Variants in DMTF1 observed in about 807,000 individuals in gnomAD.
DMTF1 encodes the protein cyclin-D-binding Myb-like transcription factor 1.
A neutral mutation model predicts 91.1 loss-of-function variants in DMTF1; 39 were observed. The observed-to-expected ratio is 0.43, with a 90% CI of 0.33 to 0.56. The LOEUF (loss-of-function observed/expected upper bound fraction) is 0.56. DMTF1 is among the 20% of genes least tolerant of loss of function. The pLI is 0.05. For missense variants in DMTF1, 750 were observed against 914.5 expected, an observed-to-expected ratio of 0.82 and a Z score of 2.32; for synonymous variants, 338 against 309.5, an observed-to-expected ratio of 1.09 and a Z score of -0.97.
At chr7:87,188,051 C>T (rs375977415) in intron 12 of DMTF1, 41 bp from the exon 13 acceptor site, 38 of 1,550,722 alleles carry the variant, frequency 2.5e-5, no homozygotes, top group East Asian at 4.5e-5. Flanking sequence ...GGTGGTCTGT[C>T]GGAGAATCAA....
intron 14 of DMTF1, among the ~76,000 whole-genome samples, chr7:87,192,237 ATG>A (rs1279986491): frequency 6.6e-6 from 1 of 152,128 alleles, no homozygotes; most frequent in Non-Finnish European, 1.5e-5. Flanking sequence ...TGAAAATTAA[ATG>A]TTAAGTATAT....
rs73208512 is a variant in DMTF1, at chr7:87,196,126, T to C, written c.*986T>C. ...GTAGCCTTTTGGGCTTTTTAATGAA[T>C]ATGACCCCTATAGAAAAGTCAAGAA... On this transcript the variant is annotated 3_prime_UTR_variant, in exon 18 of 18. Coordinates refer to ENST00000331242, the MANE Select transcript of DMTF1 (RefSeq NM_001142327.2). 0.037 allele frequency: 5,623 copies of C among 153,110 alleles called. 125 individuals carry two copies. The highest frequency in any genetic ancestry group is 0.065 in the East Asian group (337 of 5,196). The allele number at this position is 153,110 out of a possible 1,614,324, so 9.5% of individuals were successfully genotyped here. A position where few individuals can be genotyped will look rare whatever the true frequency, so the allele number is the denominator to read the frequency against.
chr7:87,190,545 C>CA (rs1799509545), intron 13 of DMTF1, among the ~76,000 whole-genome samples: 1 of 152,146 alleles, frequency 6.6e-6, no homozygotes, highest in African/African-American at 2.4e-5. Context: ...CAAGGGTTAG[C>CA]AAACCTTTTC....
chr7:87,193,793 G>A lies in DMTF1; in HGVS notation c.1719G>A (p.Gln573=), dbSNP rs751352388. Residue 573 remains glutamine, a synonymous_variant, in exon 16 of 18, where the codon CAG becomes CAA. Transcript: ENST00000331242. ...VQCHTPRVII[Q]TVATEDITSS... is the part of the protein sequence containing the mutation. ...GTCACACACCAAGAGTCATCATTCA[G>A]ACTGTTGCCACAGAGGACATCACTT... 3.7e-6 allele frequency: 6 copies of A among 1,613,126 alleles called. No homozygotes were observed. In the South Asian group the frequency reaches 6.6e-5, roughly 18 times the overall value.
At chr7:87,184,674 A>C (rs746804255) in intron 11 of DMTF1, 49 bp downstream of exon 11, 1 of 1,516,342 alleles carries the variant, frequency 6.6e-7, no homozygotes, top group East Asian at 2.3e-5. Context: ...ATTTCTGTGG[A>C]TGTCTTGATA....
chr7:87,170,347 A>G (rs1389388748), intron 4 of DMTF1, among the ~76,000 whole-genome samples: 3 of 152,158 alleles, frequency 2.0e-5, no homozygotes, highest in Admixed American at 6.6e-5. Flanking sequence ...ATAAAAGATT[A>G]TATTATTCCA....
chr7:87,174,624 G>T lies in DMTF1; in HGVS notation c.474G>T (p.Lys158Asn). 6.2e-7 allele frequency: 1 copy of T among 1,610,414 alleles called. No homozygotes were observed. ...AATGGAAGCAGGGGATGTGGTCCAA[G>T]GAAGAAATTGATATTTTGATGAACA... ...GHKWKQGMWSKEEIDILMNNI... is the reference protein window; with the variant it reads ...GHKWKQGMWSNEEIDILMNNI... Residue 158 changes from lysine (K) to asparagine (N), a missense_variant, in exon 7 of 18, where the codon AAG becomes AAT. This residue lies in a region of DMTF1 where 190 missense variants were observed against 343.8 expected (regional missense o/e 0.55). Coordinates refer to ENST00000331242, the MANE Select transcript of DMTF1 (RefSeq NM_001142327.2).
At chr7:87,160,008 T>C (rs1791849038) in intron 1 of DMTF1, among the ~76,000 whole-genome samples, 2 of 152,116 alleles carry the variant, frequency 1.3e-5, no homozygotes, top group Admixed American at 1.3e-4. Context: ...GCGATTTTCC[T>C]GTTTTCCAGA....
At chr7:87,184,990 C>CA in intron 11 of DMTF1, 1 of 435,080 alleles carries the variant, frequency 2.3e-6, no homozygotes, top group East Asian at 6.8e-5. Context: ...GAGGGCTGTT[C>CA]AGTCTCCATG....
chr7:87,168,043 G>C (rs1340505517), intron 4 of DMTF1, among the ~76,000 whole-genome samples: 1 of 152,154 alleles, frequency 6.6e-6, no homozygotes, highest in African/African-American at 2.4e-5. Context: ...AGATAATAGA[G>C]GTATGTTGAC....
chr7:87,162,663 C>T (rs1460144688), intron 1 of DMTF1: 2 of 152,082 alleles, frequency 1.3e-5, no homozygotes, highest in Admixed American at 6.5e-5. Context: ...AGAATGATAA[C>T]AACATGAAAT....
intron 17 of DMTF1, 77 bp from the exon 18 acceptor site, chr7:87,194,954 G>T: frequency 7.0e-7 from 1 of 1,432,710 alleles, no homozygotes; most frequent in Non-Finnish European, 9.7e-7. Context: ...TCTACACTGT[G>T]GTAGAATACC....
intron 14 of DMTF1, 166 bp from the exon 15 acceptor site, chr7:87,193,029 AACC>A: frequency 3.1e-6 from 2 of 640,816 alleles, no homozygotes; most frequent in Non-Finnish European, 5.3e-6. Context: ...CAGCCTCTTA[AACC>A]TTCAGGCTAG....
intron 1 of DMTF1, among the ~76,000 whole-genome samples, chr7:87,160,415 C>T (rs1791998622): frequency 1.3e-5 from 2 of 151,958 alleles, no homozygotes; most frequent in Non-Finnish European, 2.9e-5. Context: ...GCTGGGATTA[C>T]AGGCGCCTGC....
chr7:87,183,740 C>G (rs1033792043), intron 10 of DMTF1, among the ~76,000 whole-genome samples: 1 of 152,024 alleles, frequency 6.6e-6, no homozygotes, highest in South Asian at 2.1e-4. Flanking sequence ...TTTTTCTGCT[C>G]TAGCTCCATA....
chr7:87,183,707 A>C (rs1427525463), intron 10 of DMTF1, among the ~76,000 whole-genome samples: 2 of 152,248 alleles, frequency 1.3e-5, no homozygotes, highest in Admixed American at 6.5e-5. Flanking sequence ...AAGATGAAAA[A>C]AAATGGCTTT....
At chr7:87,186,129 TC>T (rs1665406931) in intron 12 of DMTF1, 149 bp downstream of exon 12, 2 of 808,092 alleles carry the variant, frequency 2.5e-6, no homozygotes, top group Non-Finnish European at 3.9e-6. Context: ...AGTAATTGTT[TC>T]CTTCCCCAGA....
intron 7 of DMTF1, among the ~76,000 whole-genome samples, chr7:87,178,787 T>A (rs1211802695): frequency 4.2e-5 from 6 of 144,092 alleles, no homozygotes; most frequent in African/African-American, 7.4e-5. Flanking sequence ...TTTTTTTTTT[T>A]AAACTTTTGA....
In DMTF1 at chr7:87,194,794, T is replaced by C; in HGVS notation, c.2139T>C (p.Asp713=). ...TTATCCAGGCATCTGATGTTATAGATACTGAATCTGTCTTGCCTTTGACAA... is the reference window on the plus strand; with the variant it reads ...TTATCCAGGCATCTGATGTTATAGACACTGAATCTGTCTTGCCTTTGACAA... The part of the protein sequence containing the change: ...HGFIQASDVI[D]TESVLPLTTL... Residue 713 remains aspartate (D), a synonymous_variant, in exon 17 of 18, where the codon GAT becomes GAC. Coordinates refer to ENST00000331242, the MANE Select transcript of DMTF1 (RefSeq NM_001142327.2). The C allele has an allele frequency of 6.2e-7, 1 of 1,612,214 alleles. No individual in the cohort carries two copies.
Sources: allele counts gnomAD v4.1 joint callset (sites outside exome capture counted in the v4.1 genomes callset), GRCh38; gene constraint gnomAD v4.1.1; regional missense constraint gnomAD v4.1.1; transcripts MANE v1.5; gene names NCBI Gene and HGNC (gene_info 2026-07-23, HGNC 2026-07-21).